The following SCN9A variants were observed in gnomAD, a reference collection of about 807,000 sequenced individuals.
The protein encoded by SCN9A is sodium channel protein type 9 subunit alpha.
Under a neutral mutation model 187.0 loss-of-function variants are expected in SCN9A, and 131 were observed. That is an observed-to-expected ratio of 0.70 (90% confidence interval 0.61 to 0.81). SCN9A has a LOEUF of 0.81. SCN9A is among the 30% of genes least tolerant of loss of function. The pLI is 0.00. For missense variants in SCN9A, 2,252 were observed against 2,396.6 expected (o/e 0.94, Z 1.26); for synonymous variants, 809 against 808.6 (o/e 1.00, Z -0.01).
At chr2:166,336,364 G>T (rs958758354) in intron 1 of SCN9A, among the ~76,000 whole-genome samples, 3 of 152,030 alleles carry the variant, frequency 2.0e-5, no homozygotes, top group Non-Finnish European at 2.9e-5. Flanking sequence ...GCCAATAAAG[G>T]GTGCAGGACA....
At chr2:166,361,401 A>G (rs1333838969) in intron 1 of SCN9A, among the ~76,000 whole-genome samples, 1 of 152,140 alleles carries the variant, frequency 6.6e-6, no homozygotes, top group Non-Finnish European at 1.5e-5. Context: ...GTATGCTTAT[A>G]GCAAAACCAA....
At chr2:166,215,595 T>C (rs1181630178) in intron 24 of SCN9A, among the ~76,000 whole-genome samples, 1 of 151,714 alleles carries the variant, frequency 6.6e-6, no homozygotes, top group Non-Finnish European at 1.5e-5. Context: ...TGATAACACA[T>C]AAATACAAGG....
chr2:166,342,530 CAG>C (rs1253514192), intron 1 of SCN9A, among the ~76,000 whole-genome samples: 2 of 152,046 alleles, frequency 1.3e-5, no homozygotes, highest in African/African-American at 4.8e-5. Context: ...CCATTAGAGT[CAG>C]AGAAAATTTT....
intron 1 of SCN9A, among the ~76,000 whole-genome samples, chr2:166,349,862 C>T (rs760088897): frequency 1.3e-5 from 2 of 152,044 alleles, no homozygotes; most frequent in Non-Finnish European, 2.9e-5. Context: ...ATCCCAGCTA[C>T]TCAGGAGGCT....
chr2:166,335,352 C>T (rs527336026), intron 1 of SCN9A, among the ~76,000 whole-genome samples: 7 of 152,068 alleles, frequency 4.6e-5, no homozygotes, highest in African/African-American at 1.2e-4. Context: ...AAAATCTAAA[C>T]GTTCTGTTTG....
chr2:166,353,302 T>C (rs191429109), intron 1 of SCN9A, among the ~76,000 whole-genome samples: 1 of 152,204 alleles, frequency 6.6e-6, no homozygotes, highest in African/African-American at 2.4e-5. Context: ...CCAAGCAAGT[T>C]TGAATAAATT....
Position 166,360,648 on chromosome 2 carries a change from T to C in SCN9A, c.-51+15049A>G, listed in dbSNP as rs150341781. 6.2e-4 allele frequency among the ~76,000 whole-genome samples: 94 copies of C among 152,336 alleles called. No homozygotes were observed. In the East Asian group the frequency reaches 0.015, roughly 25 times the overall value. ...TGAATTTCCTGTTTATTCCATATAATTAGCTCTGCAGCATTATGCAAATTC... is the reference window on the plus strand; with the variant it reads ...TGAATTTCCTGTTTATTCCATATAACTAGCTCTGCAGCATTATGCAAATTC... On this transcript the variant is annotated intron_variant, in intron 1 of 26. Transcript: ENST00000642356.
intron 22 of SCN9A, among the ~76,000 whole-genome samples, 200 bp downstream of exon 22, chr2:166,228,491 T>C (rs901888560): frequency 2.0e-5 from 3 of 152,038 alleles, no homozygotes; most frequent in African/African-American, 7.2e-5. Context: ...ACTCCTGACC[T>C]CATGATCTGC....
chr2:166,294,752 A>G, intron 7 of SCN9A, 90 bp from the exon 8 acceptor site: 2 of 823,758 alleles, frequency 2.4e-6, no homozygotes, highest in Non-Finnish European at 1.8e-6. Flanking sequence ...ATAGACATTT[A>G]TCTACAAATT....
intron 18 of SCN9A, among the ~76,000 whole-genome samples, chr2:166,251,496 G>A (rs990701476): frequency 1.3e-5 from 2 of 151,938 alleles, no homozygotes; most frequent in African/African-American, 2.4e-5. Context: ...CTGGGAATAC[G>A]AATTAAGGCT....
intron 24 of SCN9A, among the ~76,000 whole-genome samples, chr2:166,206,116 A>T (rs189094707): frequency 6.6e-6 from 1 of 152,312 alleles, no homozygotes; most frequent in Admixed American, 6.5e-5. Flanking sequence ...TGATTCCTCA[A>T]GAATCTAAAA....
intron 1 of SCN9A, among the ~76,000 whole-genome samples, chr2:166,344,514 G>T (rs1450066317): frequency 1.3e-5 from 2 of 152,120 alleles, no homozygotes; most frequent in Non-Finnish European, 2.9e-5. Flanking sequence ...CATTAGAATT[G>T]TTTAACCTTG....
intron 1 of SCN9A, among the ~76,000 whole-genome samples, chr2:166,373,540 T>C (rs1048233479): frequency 1.3e-5 from 2 of 152,046 alleles, no homozygotes; most frequent in Non-Finnish European, 2.9e-5. Flanking sequence ...AGACGTATGA[T>C]GAAATAGAAA....
intron 7 of SCN9A, chr2:166,302,698 AAT>A (rs970580249): frequency 5.4e-5 from 8 of 149,248 alleles, no homozygotes; most frequent in Admixed American, 2.7e-4. Flanking sequence ...TATCATAATA[AAT>A]ATGTCACATT....
intron 1 of SCN9A, among the ~76,000 whole-genome samples, chr2:166,324,438 GCTAA>G (rs1199724216): frequency 6.6e-5 from 10 of 152,058 alleles, no homozygotes; most frequent in African/African-American, 2.4e-4. Context: ...TTTTATTGAT[GCTAA>G]CTGTTGTAAA....
Position 166,313,950 on chromosome 2 carries a change from C to T in SCN9A, c.-50-2144G>A, listed in dbSNP as rs140119151. On this transcript the variant is annotated intron_variant, in intron 1 of 26. Transcript: ENST00000642356. ...TTTAACATCGTTGTGTGTCAGGGAACAGGGAAGCCTGAGGAAAGGGAGAGA... is the reference window on the plus strand; with the variant it reads ...TTTAACATCGTTGTGTGTCAGGGAATAGGGAAGCCTGAGGAAAGGGAGAGA... Among the ~76,000 whole-genome samples, 703 of 152,230 alleles carry T rather than the reference C, an allele frequency of 4.6e-3. 7 individuals carry two copies. The highest frequency in any genetic ancestry group is 0.016 in the African/African-American group (667 of 41,538).
intron 8 of SCN9A, among the ~76,000 whole-genome samples, chr2:166,294,119 T>A (rs762115215): frequency 2.0e-5 from 3 of 152,136 alleles, no homozygotes; most frequent in Admixed American, 6.5e-5. Context: ...ATATACAATA[T>A]TCTTATATAT....
chr2:166,210,936 C>CT (rs1694062202), intron 24 of SCN9A, among the ~76,000 whole-genome samples: 1 of 151,984 alleles, frequency 6.6e-6, no homozygotes, highest in Non-Finnish European at 1.5e-5. Flanking sequence ...TGGTGGGTGC[C>CT]TATAATCCCA....
Position 166,228,716 on chromosome 2 carries a change from A to T in SCN9A, c.4181T>A (p.Leu1394His). Residue 1394 changes from leucine (L) to histidine (H), a missense_variant, in exon 22 of 27, where the codon CTT becomes CAT. By Grantham distance (99) the Leu-to-His change is moderately conservative. This residue lies in a region of SCN9A where 368 missense variants were observed against 408.6 expected (regional missense o/e 0.90). Coordinates refer to ENST00000642356, the MANE Select transcript of SCN9A (RefSeq NM_001365536.1). Reference protein sequence around the residue: ...NLKVNFDNVGLGYLSLLQVAT... With the variant: ...NLKVNFDNVGHGYLSLLQVAT... Reference sequence around the variant, plus strand: ...AACTTGAAGCAGAGATAGGTAACCAAGTCCGACATTATCAAAGTTCACTTT... The same window carrying T: ...AACTTGAAGCAGAGATAGGTAACCATGTCCGACATTATCAAAGTTCACTTT... The T allele has an allele frequency of 4.3e-6, 7 of 1,613,296 alleles. No individual in the cohort carries two copies. The highest frequency in any genetic ancestry group is 5.9e-6 in the Non-Finnish European group (7 of 1,179,346).
Sources: gnomAD v4.1 joint callset for allele counts (sites outside exome capture counted in the v4.1 genomes callset) on GRCh38, gnomAD v4.1.1 for gene constraint, gnomAD v4.1.1 regional missense constraint, MANE v1.5 for transcripts, NCBI Gene and HGNC (gene_info 2026-07-23, HGNC 2026-07-21) for gene names.